Variants in CHSY3 observed in about 807,000 individuals in gnomAD.
CHSY3 encodes chondroitin sulfate synthase 3, also known as N-acetylgalactosaminyl-proteoglycan 3-beta-glucuronosyltransferase 3.
Under a neutral mutation model 67.2 loss-of-function variants are expected in CHSY3, and 35 were observed. That is an observed-to-expected ratio of 0.52 (90% CI 0.40 to 0.69). The LOEUF (loss-of-function observed/expected upper bound fraction) is 0.69, where lower values mean the gene tolerates loss of function less well. CHSY3 is among the 30% of genes least tolerant of loss of function. The pLI, the probability that CHSY3 is intolerant of heterozygous loss-of-function variation, is 0.00. For synonymous variants in CHSY3, 474 were observed against 434.7 expected, an observed-to-expected ratio of 1.09 and a Z score of -1.12; for missense variants, 1,069 against 1,138.5, an observed-to-expected ratio of 0.94 and a Z score of 0.88.
Position 129,904,993 on chromosome 5 carries a change from C to T in CHSY3, c.164C>T (p.Pro55Leu). The stretch of plus-strand genomic sequence containing the variant: ...TACTACGGTCGCTCTGCTGCTGGCC[C>T]CCGCGCCGGCGCTCAGCAGCCGCTC... ...CSYYGRSAAG[P>L]RAGAQQPLPQ... Residue 55 changes from proline (P) to leucine (L), a missense_variant, in exon 1 of 3, where the codon CCC (proline) becomes CTC (leucine). Physicochemically the swap from Pro to Leu is moderately conservative, Grantham distance 98 (BLOSUM62 -3). Around this residue, in one of 5 missense-constraint regions of CHSY3, gnomAD observed 309 missense variants for 262.5 expected, o/e 1.18. Coordinates refer to ENST00000305031, the MANE Select transcript of CHSY3 (RefSeq NM_175856.5). 1 of 1,567,774 alleles carries T rather than the reference C, an allele frequency of 6.4e-7. No individual in the cohort carries two copies. The highest frequency in any genetic ancestry group is 1.4e-5 in the African/African-American group (1 of 73,936).
At chr5:130,031,546 C>A (rs909353869) in intron 2 of CHSY3, among the ~76,000 whole-genome samples, 1 of 152,104 alleles carries the variant, frequency 6.6e-6, no homozygotes, top group Non-Finnish European at 1.5e-5. Context: ...TTGGCTAGTA[C>A]ACCAATAAAA....
intron 2 of CHSY3, among the ~76,000 whole-genome samples, chr5:130,057,562 G>A (rs1276980938): frequency 3.3e-5 from 5 of 152,096 alleles, no homozygotes; most frequent in African/African-American, 1.2e-4. Context: ...ACCTAGCACA[G>A]TTTATCTTAC....
Position 129,985,508 on chromosome 5 carries a change from C to CT in CHSY3, c.1086+77158dup, listed in dbSNP as rs1351423088. On this transcript the variant is annotated intron_variant, in intron 2 of 2. Transcript: ENST00000305031. The stretch of plus-strand genomic sequence containing the variant: ...CTTAGGATTCCTTTAGCTATTTGGG[C>CT]TTTTTTTTTTGGTTCCAAATGAATT... Among the ~76,000 whole-genome samples the CT allele has an allele frequency of 4.1e-3, 600 of 145,622 alleles. 3 individuals carry two copies. Among genetic ancestry groups the CT allele is most frequent in the African/African-American group, 0.013 (502 of 39,784 alleles).
At chr5:130,143,768 GTATATATATATA>G (rs1299433610) in intron 2 of CHSY3, among the ~76,000 whole-genome samples, 1,051 of 64,950 alleles carry the variant, frequency 0.016, 94 homozygotes, top group African/African-American at 0.057. Context: ...GTGTGTGTGT[GTATATATATATA>G]TGTGTATATA....
intron 2 of CHSY3, among the ~76,000 whole-genome samples, chr5:130,133,771 T>TAAAAAAA (rs758023976): frequency 1.0e-4 from 6 of 58,120 alleles, no homozygotes; most frequent in African/African-American, 4.6e-4. Flanking sequence ...GACTCCGTCT[T>TAAAAAAA]AAAAAAAAAA....
intron 2 of CHSY3, among the ~76,000 whole-genome samples, chr5:129,938,108 C>T (rs999076866): frequency 6.6e-6 from 1 of 152,230 alleles, no homozygotes; most frequent in African/African-American, 2.4e-5. Context: ...AGGCTTAACA[C>T]CATGTGGAAG....
At chr5:130,148,103 A>G (rs761620073) in intron 2 of CHSY3, among the ~76,000 whole-genome samples, 1 of 151,998 alleles carries the variant, frequency 6.6e-6, no homozygotes, top group Non-Finnish European at 1.5e-5. Context: ...ACGTACGTAC[A>G]TGTGTTCTCA....
intron 2 of CHSY3, among the ~76,000 whole-genome samples, chr5:129,920,681 T>C (rs1052281427): frequency 4.6e-5 from 7 of 152,254 alleles, no homozygotes; most frequent in African/African-American, 1.2e-4. Context: ...TAAGCACTTA[T>C]CACACACTGT....
In CHSY3 at chr5:130,074,879, C is replaced by A. The variant is rs995469635; in HGVS notation, c.1087-109350C>A. Among the ~76,000 whole-genome samples the A allele has an allele frequency of 2.7e-5, 4 of 146,106 alleles. 1 individual carries two copies. The highest frequency in any genetic ancestry group is 6.0e-5 in the Non-Finnish European group (4 of 66,878). The stretch of plus-strand genomic sequence containing the variant: ...ACAGTTGGAGTTATATAAACAAATA[C>A]ATTAATGATAGTAATAATTAAGCTT... On this transcript the variant is annotated intron_variant, in intron 2 of 2. Transcript: ENST00000305031.
intron 2 of CHSY3, among the ~76,000 whole-genome samples, chr5:129,918,999 C>T (rs1442082754): frequency 2.0e-5 from 3 of 146,650 alleles, no homozygotes; most frequent in Non-Finnish European, 4.5e-5. Flanking sequence ...CCCAGCTACT[C>T]GGGAGGCTGA....
intron 2 of CHSY3, among the ~76,000 whole-genome samples, chr5:129,962,859 C>G (rs1392354636): frequency 2.0e-5 from 3 of 152,008 alleles, no homozygotes; most frequent in African/African-American, 7.2e-5. Context: ...CCAGTTGACT[C>G]TATGAGAGGT....
At chr5:130,105,099 A>C (rs1767373202) in intron 2 of CHSY3, among the ~76,000 whole-genome samples, 1 of 151,608 alleles carries the variant, frequency 6.6e-6, no homozygotes, top group African/African-American at 2.4e-5. Flanking sequence ...ATGTGATAAC[A>C]ATATGGTGAT....
At chr5:130,002,839 G>T (rs1024118416) in intron 2 of CHSY3, among the ~76,000 whole-genome samples, 2 of 151,956 alleles carry the variant, frequency 1.3e-5, no homozygotes. Flanking sequence ...TTTTTGGGAG[G>T]GGCTGGAGGG....
chr5:130,066,997 G>C (rs1411570863), intron 2 of CHSY3, among the ~76,000 whole-genome samples: 3 of 152,076 alleles, frequency 2.0e-5, no homozygotes, highest in African/African-American at 7.2e-5. Context: ...AGAATTTTGT[G>C]AACTAGCACC....
intron 2 of CHSY3, among the ~76,000 whole-genome samples, chr5:129,955,974 C>G (rs1762159481): frequency 6.6e-6 from 1 of 152,104 alleles, no homozygotes; most frequent in African/African-American, 2.4e-5. Context: ...CATATCTTTG[C>G]TATCATAAGC....
intron 2 of CHSY3, among the ~76,000 whole-genome samples, chr5:129,941,771 T>G (rs1276254513): frequency 1.3e-5 from 2 of 152,036 alleles, no homozygotes; most frequent in African/African-American, 4.8e-5. Context: ...TAGTGTAAGA[T>G]TGCATGGGTT....
At chr5:129,925,284 A>G (rs114471088) in intron 2 of CHSY3, among the ~76,000 whole-genome samples, 1,705 of 152,286 alleles carry the variant, frequency 0.011, 39 homozygotes, top group African/African-American at 0.038. Flanking sequence ...TGATATATAA[A>G]CATTCAGGGA....
chr5:130,080,114 A>G (rs1399027065), intron 2 of CHSY3, among the ~76,000 whole-genome samples: 1 of 151,950 alleles, frequency 6.6e-6, no homozygotes, highest in African/African-American at 2.4e-5. Context: ...ATACACTTAA[A>G]TATATACATA....
At chr5:130,165,106 T>C (rs1769703511) in intron 2 of CHSY3, among the ~76,000 whole-genome samples, 1 of 152,110 alleles carries the variant, frequency 6.6e-6, no homozygotes, top group African/African-American at 2.4e-5. Context: ...CCATGGTCAG[T>C]GGATGGCATT....
Sources: allele counts gnomAD v4.1 joint callset (sites outside exome capture counted in the v4.1 genomes callset), GRCh38; gene constraint gnomAD v4.1.1; regional missense constraint gnomAD v4.1.1; transcripts MANE v1.5; gene names NCBI Gene and HGNC (gene_info 2026-07-23, HGNC 2026-07-21).